Variants in FHIP1A observed in about 807,000 individuals in gnomAD.
The protein encoded by FHIP1A is FHF complex subunit HOOK interacting protein 1A.
Under a neutral mutation model 88.6 loss-of-function variants are expected in FHIP1A, and 61 were observed. The ratio of observed to expected loss-of-function variants is 0.69; its 90% CI spans 0.56 to 0.85. The LOEUF is 0.85. FHIP1A is among the 40% of genes least tolerant of loss of function. FHIP1A has a pLI of 0.00. For synonymous variants in FHIP1A, 478 were observed against 496.0 expected, an observed-to-expected ratio of 0.96 and a Z score of 0.48; for missense variants, 1,154 against 1,273.5, an observed-to-expected ratio of 0.91 and a Z score of 1.43.
intron 3 of FHIP1A, among the ~76,000 whole-genome samples, chr4:151,550,951 A>G (rs906369570): frequency 6.6e-6 from 1 of 152,198 alleles, no homozygotes; most frequent in Non-Finnish European, 1.5e-5. Flanking sequence ...GTTGTCCTGA[A>G]TTGGGGATGG....
rs888700623 is a variant in FHIP1A, at chr4:151,624,955, T to C, written c.979-4747T>C. Reference sequence around the variant, plus strand: ...ACCAGGGCGTCTGTCTTCCCTTTTGTACTTAAATGTTCTTCTTGGCGCTTC... The same window carrying C: ...ACCAGGGCGTCTGTCTTCCCTTTTGCACTTAAATGTTCTTCTTGGCGCTTC... On this transcript the variant is annotated intron_variant, in intron 7 of 13. Coordinates refer to ENST00000435205, the MANE Select transcript of FHIP1A (RefSeq NM_001109977.3). Among the ~76,000 whole-genome samples, 17 of 152,336 alleles carry C rather than the reference T, an allele frequency of 1.1e-4. No homozygotes were observed. The East Asian group carries it at 1.9e-3, about 17-fold the overall frequency.
At chr4:151,436,227 C>T (rs1728193755) in intron 1 of FHIP1A, among the ~76,000 whole-genome samples, 1 of 152,086 alleles carries the variant, frequency 6.6e-6, no homozygotes, top group East Asian at 1.9e-4. Flanking sequence ...TTTCTCAGCC[C>T]CACTCAACCT....
intron 11 of FHIP1A, 74 bp downstream of exon 11, chr4:151,650,666 A>G: frequency 6.8e-7 from 1 of 1,462,726 alleles, no homozygotes; most frequent in Non-Finnish European, 9.0e-7. Context: ...AAAGGAAGGT[A>G]GGAAAAGGTA....
At chr4:151,496,499 T>G (rs1323709466) in intron 3 of FHIP1A, among the ~76,000 whole-genome samples, 1 of 152,010 alleles carries the variant, frequency 6.6e-6, no homozygotes, top group Non-Finnish European at 1.5e-5. Context: ...TGTGTCCCAC[T>G]GCCCTATTTC....
rs554804133 is a variant in FHIP1A, at chr4:151,604,700, T to G, written c.978+15774T>G. ...CTTGTCTCTACTAAAGATACAAAAA[T>G]TAGCTGGGCATGGTGGTGGGCGCCT... On this transcript the variant is annotated intron_variant, in intron 7 of 13. Transcript: ENST00000435205. Among the ~76,000 whole-genome samples, 4 of 151,934 alleles carry G rather than the reference T, an allele frequency of 2.6e-5. No homozygotes were observed. The East Asian group carries it at 7.8e-4, about 29-fold the overall frequency.
intron 7 of FHIP1A, among the ~76,000 whole-genome samples, chr4:151,602,641 G>A (rs1045140720): frequency 1.1e-4 from 16 of 152,148 alleles, no homozygotes; most frequent in Admixed American, 5.9e-4. Flanking sequence ...GAGGGACCAC[G>A]AGGACTGAGA....
chr4:151,588,897 G>T lies in FHIP1A; in HGVS notation c.949G>T (p.Val317Leu). ...CAATTACATTTACAATGGATTTTTG[G>T]TACCAGTCTTGGCTCCTGCTCTCCA... ...LVNYIYNGFL[V>L]PVLAPALHKV... Residue 317 changes from valine (V) to leucine (L), a missense_variant, in exon 7 of 14, where the codon GTA becomes TTA. Transcript: ENST00000435205. The T allele has an allele frequency of 6.4e-7, 1 of 1,551,188 alleles. No individual in the cohort carries two copies. Among genetic ancestry groups the T allele is most frequent in the Non-Finnish European group, 8.7e-7 (1 of 1,146,638 alleles).
intron 3 of FHIP1A, among the ~76,000 whole-genome samples, chr4:151,552,645 G>T (rs538100075): frequency 1.3e-5 from 2 of 151,922 alleles, no homozygotes; most frequent in South Asian, 4.2e-4. Flanking sequence ...TGGACACAGG[G>T]TGGGGAACAT....
intron 3 of FHIP1A, among the ~76,000 whole-genome samples, chr4:151,518,249 G>A (rs1231497320): frequency 6.6e-6 from 1 of 152,082 alleles, no homozygotes; most frequent in Non-Finnish European, 1.5e-5. Context: ...TCATGTTACA[G>A]TTGCCTGCAA....
chr4:151,439,108 G>A (rs752106257), intron 1 of FHIP1A, among the ~76,000 whole-genome samples: 13 of 152,012 alleles, frequency 8.6e-5, no homozygotes, highest in African/African-American at 2.7e-4. Context: ...AAACGGTTGC[G>A]TTTTCCACAT....
At chr4:151,594,210 G>A (rs1348257940) in intron 7 of FHIP1A, among the ~76,000 whole-genome samples, 3 of 152,122 alleles carry the variant, frequency 2.0e-5, no homozygotes, top group Admixed American at 1.3e-4. Context: ...TTCTTTTTTT[G>A]TGGTGTCTCT....
chr4:151,527,269 C>T (rs1338762131), intron 3 of FHIP1A, among the ~76,000 whole-genome samples: 2 of 152,240 alleles, frequency 1.3e-5, no homozygotes, highest in African/African-American at 4.8e-5. Flanking sequence ...CGTCTGCAAT[C>T]CCGGCACCTC....
chr4:151,548,605 A>G (rs982957735), intron 3 of FHIP1A, among the ~76,000 whole-genome samples: 5 of 152,202 alleles, frequency 3.3e-5, no homozygotes, highest in Non-Finnish European at 7.3e-5. Flanking sequence ...GACAGTTTGC[A>G]AATGAAATGG....
Position 151,577,439 on chromosome 4 carries a change from C to T in FHIP1A, c.106-11C>T, listed in dbSNP as rs753262775. On this transcript the variant is annotated splice_polypyrimidine_tract_variant and intron_variant, in intron 4 of 13. Transcript: ENST00000435205. ...CATCAGATGGATGACAAATGCTTGA[C>T]TTGGTTACAGGTTGTGAAAATCTTG... 4 of 1,510,216 alleles carry T rather than the reference C, an allele frequency of 2.6e-6. No homozygotes were observed. Among genetic ancestry groups the T allele is most frequent in the Non-Finnish European group, 3.6e-6 (4 of 1,124,718 alleles). 93.6% of individuals were successfully genotyped at this position (1,510,216 alleles called of 1,614,324 possible). A position where few individuals can be genotyped will look rare whatever the true frequency, so the allele number is the denominator to read the frequency against.
intron 3 of FHIP1A, 85 bp from the exon 4 acceptor site, chr4:151,566,053 T>C (rs1006406870): frequency 7.4e-6 from 3 of 406,476 alleles, no homozygotes; most frequent in Non-Finnish European, 1.3e-5. Context: ...TGAGAATGTC[T>C]AAGCTTTGAT....
chr4:151,508,383 G>C (rs1008974070), intron 3 of FHIP1A, among the ~76,000 whole-genome samples: 48 of 152,270 alleles, frequency 3.2e-4, no homozygotes, highest in African/African-American at 1.2e-3. Context: ...CACTGGCCAG[G>C]GTTGTCTCCT....
At chr4:151,416,622 G>A (rs1732901403) in intron 1 of FHIP1A, among the ~76,000 whole-genome samples, 1 of 151,942 alleles carries the variant, frequency 6.6e-6, no homozygotes. Context: ...TCAAAATAAG[G>A]ATGATGTCTC....
At position 151,504,863 on chromosome 4, in the gene FHIP1A, G is replaced by A. The variant is rs535382071; in HGVS notation, c.-123+22215G>A. Among the ~76,000 whole-genome samples the A allele has an allele frequency of 5.9e-5, 9 of 152,184 alleles. No homozygotes were observed. In the South Asian group the frequency reaches 1.2e-3, roughly 21 times the overall value. ...AAACTGCTGCCTGCAGGTGATCCAC[G>A]CACCTCGGCCTCCCAACGTGCTAGG... On this transcript the variant is annotated intron_variant, in intron 3 of 13. Coordinates refer to ENST00000435205, the MANE Select transcript of FHIP1A (RefSeq NM_001109977.3).
rs535974603 is a variant in FHIP1A, at chr4:151,511,207, C to T, written c.-123+28559C>T. ...AATTAAGATGGCCTAGGTAAATTCA[C>T]GGGACTATCAGTCCTTTGGTATTTT... On this transcript the variant is annotated intron_variant, in intron 3 of 13. Coordinates refer to ENST00000435205, the MANE Select transcript of FHIP1A (RefSeq NM_001109977.3). Among the ~76,000 whole-genome samples the T allele has an allele frequency of 5.3e-5, 8 of 152,304 alleles. No individual in the cohort carries two copies. The South Asian group carries it at 8.3e-4, about 16-fold the overall frequency.
Sources: allele counts gnomAD v4.1 joint callset (sites outside exome capture counted in the v4.1 genomes callset), GRCh38; gene constraint gnomAD v4.1.1; transcripts MANE v1.5; gene names NCBI Gene and HGNC (gene_info 2026-07-23, HGNC 2026-07-21).